CCDC7: variants seen among roughly 807,000 people sequenced by gnomAD.
The protein encoded by CCDC7 is coiled-coil domain-containing protein 7.
In CCDC7, 183 loss-of-function variants were observed where a neutral mutation model predicts 196.9. That is an observed-to-expected ratio of 0.93 (90% CI 0.82 to 1.05). The LOEUF (loss-of-function observed/expected upper bound fraction) is 1.05. CCDC7 is among the 50% of genes least tolerant of loss of function. CCDC7 has a pLI of 0.00. For missense variants in CCDC7, 1,540 were observed against 1,482.2 expected (o/e 1.04, Z -0.64); for synonymous variants, 525 against 484.6 (o/e 1.08, Z -1.10).
chr10:32,805,028 A>C, exon 30 of CCDC7: 1 of 1,609,904 alleles, frequency 6.2e-7, no homozygotes. Flanking sequence ...CTGATATAGA[A>C]AGCTTGAGAG....
chr10:32,830,594 A>T (rs1211857076), intron 32 of CCDC7, among the ~76,000 whole-genome samples: 1 of 152,190 alleles, frequency 6.6e-6, no homozygotes, highest in Non-Finnish European at 1.5e-5. Flanking sequence ...CAAAAAGATT[A>T]AAAGTATTTT....
chr10:32,482,426 T>C (rs577186252), intron 8 of CCDC7, among the ~76,000 whole-genome samples: 1 of 151,826 alleles, frequency 6.6e-6, no homozygotes, highest in Non-Finnish European at 1.5e-5. Context: ...TTCTCCTTGA[T>C]GAATTATACA....
intron 28 of CCDC7, among the ~76,000 whole-genome samples, chr10:32,734,499 AT>A (rs1321098271): frequency 6.6e-6 from 1 of 152,138 alleles, no homozygotes; most frequent in Admixed American, 6.5e-5. Flanking sequence ...ATTGGGCTTA[AT>A]ACCTGGGTGA....
At chr10:32,737,236 A>C (rs2085015136) in intron 28 of CCDC7, among the ~76,000 whole-genome samples, 1 of 152,124 alleles carries the variant, frequency 6.6e-6, no homozygotes, top group Admixed American at 6.6e-5. Context: ...AATTCTTTTT[A>C]TACATTGTTG....
intron 9 of CCDC7, among the ~76,000 whole-genome samples, chr10:32,492,488 A>G (rs560205029): frequency 1.2e-4 from 18 of 152,210 alleles, no homozygotes; most frequent in Non-Finnish European, 1.8e-4. Context: ...GCATATACAT[A>G]TAATGAAATT....
intron 28 of CCDC7, among the ~76,000 whole-genome samples, chr10:32,776,766 T>C (rs1394372019): frequency 6.6e-6 from 1 of 152,224 alleles, no homozygotes; most frequent in Admixed American, 6.5e-5. Flanking sequence ...AATTAGTATG[T>C]TAAATTGCAA....
chr10:32,474,032 C>G lies in CCDC7; in HGVS notation c.796+9C>G. On this transcript the variant is annotated intron_variant, in intron 8 of 41. Transcript: ENST00000639629. ...TTCTGCAACAGAACCACGTAAGTTT[C>G]CACTCATTAAAGCATTATTGTGATA... The G allele has an allele frequency of 6.2e-7, 1 of 1,610,038 alleles. No homozygotes were observed. The highest frequency in any genetic ancestry group is 8.5e-7 in the Non-Finnish European group (1 of 1,178,162).
chr10:32,454,286 A>G (rs1273895742), intron 2 of CCDC7, among the ~76,000 whole-genome samples: 3 of 152,206 alleles, frequency 2.0e-5, no homozygotes, highest in Non-Finnish European at 2.9e-5. Flanking sequence ...CCCAACTATT[A>G]AAAGGACTAT....
intron 24 of CCDC7, among the ~76,000 whole-genome samples, chr10:32,700,537 G>T (rs1484757967): frequency 2.6e-5 from 4 of 152,126 alleles, no homozygotes; most frequent in African/African-American, 9.7e-5. Flanking sequence ...TGGCGATGCG[G>T]GCTCCTTTTT....
At chr10:32,725,059 C>G (rs1156660754) in intron 25 of CCDC7, among the ~76,000 whole-genome samples, 4 of 152,120 alleles carry the variant, frequency 2.6e-5, no homozygotes, top group Non-Finnish European at 5.9e-5. Context: ...TACATACACA[C>G]ACATACACAT....
intron 18 of CCDC7, among the ~76,000 whole-genome samples, chr10:32,621,058 G>T (rs72795572): frequency 0.086 from 13,048 of 152,092 alleles, 880 homozygotes; most frequent in South Asian, 0.25. Context: ...AGTTTTCCGG[G>T]ACAAAGCTGG....
intron 21 of CCDC7, among the ~76,000 whole-genome samples, chr10:32,667,473 G>A (rs1161121727): frequency 6.6e-6 from 1 of 152,128 alleles, no homozygotes; most frequent in Non-Finnish European, 1.5e-5. Flanking sequence ...GTATCGCCTA[G>A]ATTTTCTTCT....
intron 30 of CCDC7, 117 bp downstream of exon 31, chr10:32,805,215 C>T (rs750441165): frequency 1.2e-5 from 8 of 682,710 alleles, no homozygotes; most frequent in Non-Finnish European, 1.8e-5. Context: ...CACAGGTTCT[C>T]ATGAATACCC....
intron 24 of CCDC7, among the ~76,000 whole-genome samples, chr10:32,706,556 A>T (rs970418850): frequency 1.3e-5 from 2 of 152,066 alleles, no homozygotes; most frequent in Non-Finnish European, 2.9e-5. Context: ...CAGTCAACAG[A>T]ATAGATAGAT....
chr10:32,689,455 A>C (rs1363973041), intron 23 of CCDC7, among the ~76,000 whole-genome samples: 1 of 151,822 alleles, frequency 6.6e-6, no homozygotes, highest in Non-Finnish European at 1.5e-5. Context: ...TGGGCCCAAA[A>C]ACTTAATGGG....
At chr10:32,796,378 T>C (rs746618860) in intron 29 of CCDC7, among the ~76,000 whole-genome samples, 3 of 152,204 alleles carry the variant, frequency 2.0e-5, no homozygotes, top group Non-Finnish European at 4.4e-5. Flanking sequence ...GTCTTAAGTC[T>C]GTGGGTTCTC....
chr10:32,860,488 C>A (rs1456290013), intron 41 of CCDC7, among the ~76,000 whole-genome samples: 1 of 152,158 alleles, frequency 6.6e-6, no homozygotes, highest in Non-Finnish European at 1.5e-5. Flanking sequence ...GAAGCATTCC[C>A]TTTTAAAACC....
intron 8 of CCDC7, among the ~76,000 whole-genome samples, chr10:32,475,979 C>G (rs1460978521): frequency 6.6e-6 from 1 of 152,112 alleles, no homozygotes; most frequent in Non-Finnish European, 1.5e-5. Context: ...CCCCCATTCC[C>G]GCATAAAGCT....
intron 24 of CCDC7, among the ~76,000 whole-genome samples, chr10:32,711,288 A>C (rs983462034): frequency 1.3e-5 from 2 of 152,052 alleles, no homozygotes; most frequent in Non-Finnish European, 2.9e-5. Flanking sequence ...TGCAATTACA[A>C]ATAATGCTGT....
Sources: gnomAD v4.1 joint callset for allele counts (sites outside exome capture counted in the v4.1 genomes callset) on GRCh38, gnomAD v4.1.1 for gene constraint, MANE v1.5 for transcripts, NCBI Gene and HGNC (gene_info 2026-07-23, HGNC 2026-07-21) for gene names.